The following SBNO2 variants were observed in gnomAD, a reference collection of about 807,000 sequenced individuals.
SBNO2 encodes strawberry notch homolog 2, also known as protein strawberry notch homolog 2.
A neutral mutation model predicts 146.3 loss-of-function variants in SBNO2; 89 were observed. The ratio of observed to expected loss-of-function variants is 0.61; its 90% confidence interval spans 0.51 to 0.73. The LOEUF (loss-of-function observed/expected upper bound fraction) is 0.73. SBNO2 is among the 30% of genes least tolerant of loss of function. The probability of loss-of-function intolerance (pLI) is 0.00; values close to 1 mark genes in which losing one functional copy is unlikely to be tolerated. For missense variants in SBNO2, 2,092 were observed against 2,003.7 expected (o/e 1.04, Z -0.84); for synonymous variants, 1,147 against 892.6 (o/e 1.29, Z -5.08).
intron 2 of SBNO2, among the ~76,000 whole-genome samples, chr19:1,151,302 G>T (rs914398257): frequency 6.6e-6 from 1 of 152,234 alleles, no homozygotes; most frequent in East Asian, 1.9e-4. Context: ...CAGGAAGGGG[G>T]CGGGGGGCTT....
chr19:1,156,616 G>A (rs1201472415), intron 1 of SBNO2, among the ~76,000 whole-genome samples: 1 of 152,128 alleles, frequency 6.6e-6, no homozygotes, highest in Non-Finnish European at 1.5e-5. Flanking sequence ...ACGGATAGGC[G>A]AGTGGACCAG....
chr19:1,135,045 C>CAAAAAAA (rs201799961), intron 4 of SBNO2, among the ~76,000 whole-genome samples: 1 of 51,236 alleles, frequency 2.0e-5, no homozygotes. Context: ...GACTCTGTCT[C>CAAAAAAA]AAAAAAAAAA....
chr19:1,154,090 G>A, intron 2 of SBNO2, 94 bp downstream of exon 2: 1 of 553,060 alleles, frequency 1.8e-6, no homozygotes, highest in Non-Finnish European at 2.7e-6. Flanking sequence ...CGTCCACTGG[G>A]GCAGCATTCC....
chr19:1,123,744 C>A (rs770404230), intron 6 of SBNO2, 105 bp from the exon 7 acceptor site: 4 of 1,225,774 alleles, frequency 3.3e-6, no homozygotes, highest in Non-Finnish European at 4.6e-6. Context: ...AGCTGAGTGA[C>A]CCAGGGGTGG....
chr19:1,122,898 C>T lies in SBNO2; in HGVS notation c.776G>A (p.Cys259Tyr). 1 of 1,546,028 alleles carries T rather than the reference C, an allele frequency of 6.5e-7. No individual in the cohort carries two copies. Among genetic ancestry groups the T allele is most frequent in the East Asian group, 2.4e-5 (1 of 41,130 alleles). The change falls in exon 8 of 32, where the codon TGC becomes TAC. Residue 259 changes from cysteine to tyrosine, a missense_variant. Transcript: ENST00000361757. ...ALQLEAITYACQQHEVLLPSG... is the reference protein window; with the variant it reads ...ALQLEAITYAYQQHEVLLPSG... ...GGGTTGGGGACATGCGGTCACCTGGCAGGCGTAGGTGATGGCCTCTAGCTG... is the reference window on the plus strand; with the variant it reads ...GGGTTGGGGACATGCGGTCACCTGGTAGGCGTAGGTGATGGCCTCTAGCTG...
Position 1,122,085 on chromosome 19 carries a change from T to A in SBNO2, c.1149+54A>T, listed in dbSNP as rs893887994. The A allele has an allele frequency of 1.1e-4, 145 of 1,318,740 alleles. No individual in the cohort carries two copies. Among genetic ancestry groups the A allele is most frequent in the Non-Finnish European group, 1.4e-4 (140 of 1,023,744 alleles). The allele number at this position is 1,318,740 out of a possible 1,614,324, so 81.7% of individuals were successfully genotyped here. On this transcript the variant is annotated intron_variant, in intron 11 of 31. Coordinates refer to ENST00000361757, the MANE Select transcript of SBNO2 (RefSeq NM_014963.3). ...CTCTCCCACTCCTCCATCCTCCTTT[T>A]CCCTCCGACCCCCTAATCCAGCCCT...
At chr19:1,131,829 T>C (rs1201184992) in intron 4 of SBNO2, among the ~76,000 whole-genome samples, 1 of 152,134 alleles carries the variant, frequency 6.6e-6, no homozygotes, top group East Asian at 1.9e-4. Flanking sequence ...CCCACTCCGC[T>C]CGGGTCCCCC....
chr19:1,116,183 C>A, intron 16 of SBNO2, 80 bp from the exon 17 acceptor site: 1 of 1,326,088 alleles, frequency 7.5e-7, no homozygotes, highest in Admixed American at 2.0e-5. Context: ...TGGACGCACC[C>A]CTGGGTCCCT....
At chr19:1,155,321 G>A (rs1478708330) in intron 1 of SBNO2, among the ~76,000 whole-genome samples, 3 of 152,216 alleles carry the variant, frequency 2.0e-5, no homozygotes, top group Non-Finnish European at 4.4e-5. Context: ...AGAGACAGTG[G>A]CCGGGCAACA....
rs1297003065 is a variant in SBNO2 at position 1,112,270 on chromosome 19, C to T, written c.2547G>A (p.Ala849=). ...CCGAGATGAGGAAGACATACTCTGG[C>T]GCGGAGACCTGGTTGGACCGGTGGG... The part of the protein sequence containing the change: ...GRTHRSNQVS[A]PEYVFLISEL... The change falls in exon 22 of 32, where the codon GCG becomes GCA. Residue 849 remains alanine, a synonymous_variant. Transcript: ENST00000361757. This position sits in a 1 kb window ranked among gnomAD's most constrained non-coding sequence, Gnocchi z 5.9. 15 of 1,590,936 alleles carry T rather than the reference C, an allele frequency of 9.4e-6. No individual in the cohort carries two copies. Among genetic ancestry groups the T allele is most frequent in the African/African-American group, 1.3e-5 (1 of 74,598 alleles).
intron 4 of SBNO2, among the ~76,000 whole-genome samples, chr19:1,131,167 C>T (rs1361925303): frequency 1.3e-5 from 2 of 152,168 alleles, no homozygotes; most frequent in African/African-American, 4.8e-5. Flanking sequence ...CCCTCCAGGC[C>T]GGCCCAGGCT....
intron 1 of SBNO2, among the ~76,000 whole-genome samples, chr19:1,171,773 T>G (rs1439014473): frequency 6.7e-6 from 1 of 149,146 alleles, no homozygotes; most frequent in African/African-American, 2.6e-5. Flanking sequence ...GGGTGGGGGG[T>G]CTAGGGGTGG....
At chr19:1,171,648 C>T (rs933923534) in intron 1 of SBNO2, among the ~76,000 whole-genome samples, 4 of 152,182 alleles carry the variant, frequency 2.6e-5, no homozygotes, top group South Asian at 2.1e-4. Context: ...TTGGCGTTTC[C>T]GCATGGGCCC....
chr19:1,172,919 C>A (rs1223369306), intron 1 of SBNO2, among the ~76,000 whole-genome samples: 1 of 151,876 alleles, frequency 6.6e-6, no homozygotes, highest in Non-Finnish European at 1.5e-5. Flanking sequence ...GAAGGACGTT[C>A]TGAGCAGGCG....
intron 11 of SBNO2, 84 bp from the exon 12 acceptor site, chr19:1,120,107 T>TGGGG: frequency 1.9e-6 from 2 of 1,050,850 alleles, no homozygotes; most frequent in Non-Finnish European, 1.4e-6. Context: ...AGACCCCACC[T>TGGGG]TCCTGGTGGG....
At chr19:1,111,685 C>G in intron 23 of SBNO2, 71 bp from the exon 24 acceptor site, 1 of 1,170,104 alleles carries the variant, frequency 8.5e-7, no homozygotes, top group Non-Finnish European at 1.2e-6. Flanking sequence ...CCTGCCTCCC[C>G]AGAACCCCAC....
chr19:1,116,896 C>A lies in SBNO2; in HGVS notation c.1735G>T (p.Glu579Ter). 1 of 1,571,104 alleles carries A rather than the reference C, an allele frequency of 6.4e-7. No individual in the cohort carries two copies. Among genetic ancestry groups the A allele is most frequent in the East Asian group, 2.3e-5 (1 of 43,002 alleles). The change falls in exon 16 of 32, where the codon GAG (glutamate) becomes TAG (stop). Residue 579 changes from glutamate to a stop codon, truncating the protein, a stop_gained. Transcript: ENST00000361757. LOFTEE classifies it high-confidence loss of function. ...CVVIGLQSTG[E>*]ARTREVLGEN... ...CCCAGCACCTCCCGCGTGCGCGCCTCGCCCGTGGACTGCAGCCCGATGACC... is the reference window on the plus strand; with the variant it reads ...CCCAGCACCTCCCGCGTGCGCGCCTAGCCCGTGGACTGCAGCCCGATGACC...
intron 3 of SBNO2, among the ~76,000 whole-genome samples, chr19:1,148,505 C>T (rs1217523875): frequency 1.5e-5 from 2 of 132,530 alleles, no homozygotes; most frequent in East Asian, 2.2e-4. Flanking sequence ...AAACCTCCCG[C>T]CCCTTCCCAC....
rs573680627 is a variant in SBNO2 at position 1,124,438 on chromosome 19, G to A, written c.442-416C>T. Among the ~76,000 whole-genome samples, 12 of 152,288 alleles carry A rather than the reference G, an allele frequency of 7.9e-5. No individual in the cohort carries two copies. In the South Asian group the frequency reaches 1.2e-3, roughly 16 times the overall value. ...GCCCCATGCAGTGCAGGAGGCCCTC[G>A]GGGGCCTGGGAGACAAGGGGTTGGG... On this transcript the variant is annotated intron_variant, in intron 5 of 31. Coordinates refer to ENST00000361757, the MANE Select transcript of SBNO2 (RefSeq NM_014963.3).
Sources: gnomAD v4.1 joint callset for allele counts (sites outside exome capture counted in the v4.1 genomes callset) on GRCh38, gnomAD v4.1.1 for gene constraint, Gnocchi (gnomAD v3.1) non-coding constraint, MANE v1.5 for transcripts, NCBI Gene and HGNC (gene_info 2026-07-23, HGNC 2026-07-21) for gene names.